LRMDA: variants seen among roughly 807,000 people sequenced by gnomAD.
LRMDA encodes leucine-rich melanocyte differentiation-associated protein.
A neutral mutation model predicts 29.8 loss-of-function variants in LRMDA; 18 were observed. The observed-to-expected ratio is 0.60, with a 90% CI of 0.42 to 0.90. The LOEUF (loss-of-function observed/expected upper bound fraction) is 0.90. Ranked by LOEUF, LRMDA falls within the 40% of genes least tolerant of loss-of-function variation. LRMDA has a pLI of 0.00. For missense variants in LRMDA, 273 were observed against 273.9 expected (o/e 1.00, Z 0.02); for synonymous variants, 125 against 109.4 (o/e 1.14, Z -0.89).
intron 5 of LRMDA, among the ~76,000 whole-genome samples, chr10:76,123,707 A>G (rs200082046): frequency 6.6e-6 from 1 of 152,156 alleles, no homozygotes; most frequent in Admixed American, 6.5e-5. Context: ...GAATTCTTTC[A>G]CTCAGAGGTG....
chr10:76,146,833 C>T (rs1240900965), intron 5 of LRMDA, among the ~76,000 whole-genome samples: 1 of 152,198 alleles, frequency 6.6e-6, no homozygotes, highest in African/African-American at 2.4e-5. Context: ...CCGGTCGTTC[C>T]TTTCCATGTT....
chr10:76,411,950 G>A (rs901050146), intron 6 of LRMDA, among the ~76,000 whole-genome samples: 1 of 152,258 alleles, frequency 6.6e-6, no homozygotes, highest in Non-Finnish European at 1.5e-5. Context: ...TGAGGGAATG[G>A]AGAATGTTTG....
chr10:76,007,031 T>TGTGTGTGTGTGCGC (rs1230411095), intron 2 of LRMDA, among the ~76,000 whole-genome samples: 2 of 26,962 alleles, frequency 7.4e-5, no homozygotes, highest in African/African-American at 1.0e-4. Context: ...TGTGTGTGTG[T>TGTGTGTGTGTGCGC]GCGCGTGTGT....
At chr10:76,085,471 T>G (rs1159541784) in intron 5 of LRMDA, among the ~76,000 whole-genome samples, 1 of 152,162 alleles carries the variant, frequency 6.6e-6, no homozygotes, top group Non-Finnish European at 1.5e-5. Context: ...GAAAGCCTCT[T>G]TCACCAGCCA....
chr10:76,131,797 G>A (rs758581179), intron 5 of LRMDA, among the ~76,000 whole-genome samples: 1 of 152,108 alleles, frequency 6.6e-6, no homozygotes, highest in African/African-American at 2.4e-5. Context: ...CAGGGCACTT[G>A]ACACTTTATA....
chr10:76,162,148 G>C (rs1275071666), intron 5 of LRMDA, among the ~76,000 whole-genome samples: 2 of 152,100 alleles, frequency 1.3e-5, no homozygotes, highest in African/African-American at 4.8e-5. Context: ...AAGGTACTTC[G>C]TGCTGTGGTG....
intron 6 of LRMDA, among the ~76,000 whole-genome samples, chr10:76,553,890 C>G (rs533635921): frequency 2.6e-5 from 4 of 152,068 alleles, no homozygotes; most frequent in African/African-American, 7.2e-5. Context: ...ACTGCCAGGC[C>G]GTCCCCACGC....
intron 2 of LRMDA, among the ~76,000 whole-genome samples, chr10:75,977,001 G>A (rs1847083632): frequency 6.6e-6 from 1 of 152,038 alleles, no homozygotes. Flanking sequence ...AGAGCAGAGG[G>A]CATGGCACTG....
At chr10:76,016,116 A>G (rs1442689949) in intron 2 of LRMDA, among the ~76,000 whole-genome samples, 2 of 152,190 alleles carry the variant, frequency 1.3e-5, no homozygotes, top group African/African-American at 4.8e-5. Flanking sequence ...GTCTCTCCAT[A>G]AGAATTATAA....
At chr10:76,405,358 G>T (rs1471251974) in intron 6 of LRMDA, among the ~76,000 whole-genome samples, 1 of 152,132 alleles carries the variant, frequency 6.6e-6, no homozygotes, top group Non-Finnish European at 1.5e-5. Context: ...TCGTCACTAG[G>T]TGCAATAAAC....
intron 2 of LRMDA, among the ~76,000 whole-genome samples, chr10:75,779,262 C>T (rs12411982): frequency 0.13 from 20,444 of 152,052 alleles, 1,800 homozygotes; most frequent in Admixed American, 0.21. Flanking sequence ...ATATTTGACC[C>T]CTTTTGCCCC....
rs534472890 is a variant in LRMDA, at chr10:76,121,665, T to A, written c.516+62882T>A. 5.3e-5 allele frequency among the ~76,000 whole-genome samples: 8 copies of A among 152,350 alleles called. 1 individual carries two copies. In the South Asian group the frequency reaches 1.4e-3, roughly 28 times the overall value. On this transcript the variant is annotated intron_variant, in intron 5 of 6. Coordinates refer to ENST00000611255, the MANE Select transcript of LRMDA (RefSeq NM_001305581.2). Reference sequence around the variant, plus strand: ...TAGTCACTGTTTCTGTTTTCCCCAGTACGGTGAATTCCCCCAGGATGGGGA... The same window carrying A: ...TAGTCACTGTTTCTGTTTTCCCCAGAACGGTGAATTCCCCCAGGATGGGGA...
At chr10:75,625,951 A>C (rs1278715029) in intron 2 of LRMDA, among the ~76,000 whole-genome samples, 1 of 151,898 alleles carries the variant, frequency 6.6e-6, no homozygotes, top group Non-Finnish European at 1.5e-5. Flanking sequence ...TCCTGGGCTC[A>C]AGTGATCCTC....
At chr10:75,598,555 T>G (rs1225416513) in intron 2 of LRMDA, among the ~76,000 whole-genome samples, 1 of 151,916 alleles carries the variant, frequency 6.6e-6, no homozygotes, top group East Asian at 1.9e-4. Flanking sequence ...AAAAAAAGCA[T>G]CAGGAAAATG....
At chr10:76,129,290 C>A (rs1368965230) in intron 5 of LRMDA, among the ~76,000 whole-genome samples, 1 of 152,204 alleles carries the variant, frequency 6.6e-6, no homozygotes, top group Non-Finnish European at 1.5e-5. Context: ...TCCTGCAGTC[C>A]TACCCCTTAG....
chr10:76,388,845 C>G (rs1841690580), intron 6 of LRMDA, among the ~76,000 whole-genome samples: 1 of 152,188 alleles, frequency 6.6e-6, no homozygotes, highest in Non-Finnish European at 1.5e-5. Context: ...GCATTGCCTC[C>G]TTTAAACAAG....
chr10:76,375,201 A>G (rs1229134529), intron 6 of LRMDA, among the ~76,000 whole-genome samples: 1 of 152,204 alleles, frequency 6.6e-6, no homozygotes, highest in Non-Finnish European at 1.5e-5. Context: ...AAGAAGCCAT[A>G]AGGAGCCTAG....
Position 76,474,932 on chromosome 10 carries a change from C to T in LRMDA, c.602-82277C>T, listed in dbSNP as rs1016402977. 4.0e-5 allele frequency among the ~76,000 whole-genome samples: 6 copies of T among 151,626 alleles called. No homozygotes were observed. The East Asian group carries it at 5.8e-4, about 15-fold the overall frequency. On this transcript the variant is annotated intron_variant, in intron 6 of 6. Coordinates refer to ENST00000611255, the MANE Select transcript of LRMDA (RefSeq NM_001305581.2). Reference sequence around the variant, plus strand: ...CATTAATATCTATAGCAGCATTATTCATAATAGTCAAAGAGTGGAAATAAT... The same window carrying T: ...CATTAATATCTATAGCAGCATTATTTATAATAGTCAAAGAGTGGAAATAAT...
At position 76,022,862 on chromosome 10, in the gene LRMDA, G is replaced by A. The variant is rs371825908; in HGVS notation, c.132-13146G>A. ...TATTCAACCAGGCTGTTTAATTTCC[G>A]TATCTCAAGCATCTCTGTCTGGACA... On this transcript the variant is annotated intron_variant, in intron 2 of 6. Coordinates refer to ENST00000611255, the MANE Select transcript of LRMDA (RefSeq NM_001305581.2). 3.1e-4 allele frequency among the ~76,000 whole-genome samples: 47 copies of A among 152,246 alleles called. No homozygotes were observed. The East Asian group carries it at 4.4e-3, about 14-fold the overall frequency.
Sources: allele counts gnomAD v4.1 joint callset (sites outside exome capture counted in the v4.1 genomes callset), GRCh38; gene constraint gnomAD v4.1.1; transcripts MANE v1.5; gene names NCBI Gene and HGNC (gene_info 2026-07-23, HGNC 2026-07-21).